The following FKBP8 variants were observed in gnomAD, a reference collection of about 807,000 sequenced individuals.
FKBP8 encodes FKBP prolyl isomerase 8.
In FKBP8, 5 loss-of-function variants were observed where a neutral mutation model predicts 41.7. The observed-to-expected ratio is 0.12, with a 90% CI of 0.06 to 0.25. FKBP8 has a LOEUF of 0.25. Among genes scored for constraint, FKBP8 ranks in the 10% least tolerant of loss-of-function variants. FKBP8 has a pLI of 1.00. For missense variants in FKBP8, 397 were observed against 563.0 expected, an observed-to-expected ratio of 0.71 and a Z score of 2.98; for synonymous variants, 279 against 254.5, an observed-to-expected ratio of 1.10 and a Z score of -0.92.
intron 7 of FKBP8, 196 bp downstream of exon 7, chr19:18,533,074 G>A: frequency 1.5e-6 from 1 of 677,540 alleles, no homozygotes; most frequent in South Asian, 2.0e-5. Context: ...CTCAGCTGCT[G>A]GAGGAGTGAG....
chr19:18,538,212 T>C lies in FKBP8; in HGVS notation c.772+4A>G. 6.3e-7 allele frequency: 1 copy of C among 1,598,334 alleles called. No individual in the cohort carries two copies. The highest frequency in any genetic ancestry group is 8.6e-7 in the Non-Finnish European group (1 of 1,168,578). ...GATGGTGGAGATCTGACCCAGGCGG[T>C]CACCTTTGGCGCTGGAGGTGATAGC... On this transcript the variant is annotated splice_donor_region_variant and intron_variant, in intron 5 of 8. Transcript: ENST00000608443. This position sits in a 1 kb window ranked among gnomAD's most constrained non-coding sequence, Gnocchi z 4.0.
intron 6 of FKBP8, among the ~76,000 whole-genome samples, chr19:18,535,447 T>C (rs1271887346): frequency 6.6e-6 from 1 of 151,986 alleles, no homozygotes; most frequent in Non-Finnish European, 1.5e-5. Flanking sequence ...GCCTGCACTA[T>C]GCTGGTGCTG....
intron 1 of FKBP8, 143 bp from the exon 2 acceptor site, chr19:18,542,138 TAAC>T (rs1456788224): frequency 1.6e-6 from 2 of 1,242,372 alleles, no homozygotes; most frequent in Non-Finnish European, 2.1e-6. Context: ...ACAGTGGGTG[TAAC>T]AACAACCCCA....
chr19:18,533,877 G>A (rs578011393), intron 6 of FKBP8, among the ~76,000 whole-genome samples: 17 of 151,306 alleles, frequency 1.1e-4, no homozygotes, highest in Admixed American at 7.9e-4. Flanking sequence ...GCGAGGTGGC[G>A]GGCGCCTGAT....
rs1174850375 is a variant in FKBP8, at chr19:18,539,623, C to T, written c.390G>A (p.Ser130=). 3 of 1,613,066 alleles carry T rather than the reference C, an allele frequency of 1.9e-6. No individual in the cohort carries two copies. Among genetic ancestry groups the T allele is most frequent in the Admixed American group, 1.7e-5 (1 of 60,024 alleles). Residue 130 remains serine, a synonymous_variant, in exon 3 of 9, where the codon TCG becomes TCA. Transcript: ENST00000608443. ...GQVVTVHLQT[S]LENGTRVQEE... ...CCTGCACCCGTGTGCCATTCTCCAG[C>T]GACGTCTGCAGATGTACGGTGACCA...
chr19:18,541,165 C>T (rs1249444864), intron 2 of FKBP8, among the ~76,000 whole-genome samples: 1 of 152,092 alleles, frequency 6.6e-6, no homozygotes, highest in Non-Finnish European at 1.5e-5. Context: ...ATGTAGTTTT[C>T]TTCTTGTAGG....
At chr19:18,532,817 G>A (rs778495395) in intron 7 of FKBP8, 22 bp from the exon 8 acceptor site, 4 of 1,612,094 alleles carry the variant, frequency 2.5e-6, no homozygotes, top group South Asian at 1.1e-5. Context: ...AGGGGAAGCT[G>A]AGAACACGCA....
chr19:18,542,979 C>T (rs1231020914), intron 1 of FKBP8: 22 of 1,056,356 alleles, frequency 2.1e-5, no homozygotes, highest in Admixed American at 2.7e-5. Context: ...ATTCGGCCTC[C>T]CCTCCCACCC....
intron 1 of FKBP8, among the ~76,000 whole-genome samples, chr19:18,542,690 C>G (rs1976732859): frequency 6.6e-6 from 1 of 151,992 alleles, no homozygotes; most frequent in Non-Finnish European, 1.5e-5. Flanking sequence ...CCATCCTCCT[C>G]TCATCAGGCC....
intron 7 of FKBP8, 89 bp from the exon 8 acceptor site, chr19:18,532,884 T>G: frequency 6.4e-7 from 1 of 1,551,908 alleles, no homozygotes. Flanking sequence ...GCTGTTTGGG[T>G]GGTGGGACTG....
At chr19:18,534,702 C>T (rs1976530587) in intron 6 of FKBP8, among the ~76,000 whole-genome samples, 2 of 152,138 alleles carry the variant, frequency 1.3e-5, no homozygotes, top group Non-Finnish European at 2.9e-5. Flanking sequence ...CAGCCTCAGC[C>T]TCCCGAGGAG....
intron 2 of FKBP8, among the ~76,000 whole-genome samples, chr19:18,540,586 T>C (rs1028457517): frequency 6.6e-6 from 1 of 151,178 alleles, no homozygotes; most frequent in Non-Finnish European, 1.5e-5. Flanking sequence ...ATACAAAAAT[T>C]AGGGGCCAGG....
chr19:18,542,896 T>C, intron 1 of FKBP8: 1 of 1,270,416 alleles, frequency 7.9e-7, no homozygotes, highest in South Asian at 1.2e-5. Flanking sequence ...ACCTGCCTGC[T>C]CCTCCCGGGC....
At chr19:18,541,202 C>T (rs951275444) in intron 2 of FKBP8, among the ~76,000 whole-genome samples, 34 of 152,154 alleles carry the variant, frequency 2.2e-4, no homozygotes, top group Admixed American at 1.3e-4. Flanking sequence ...ACAATACTAT[C>T]ACTACTGTGA....
intron 1 of FKBP8, among the ~76,000 whole-genome samples, chr19:18,542,680 C>T (rs1185900074): frequency 3.3e-5 from 5 of 151,956 alleles, no homozygotes. Flanking sequence ...CCCCAGGAGA[C>T]CATCCTCCTC....
intron 8 of FKBP8, 120 bp downstream of exon 8, chr19:18,532,544 C>T: frequency 7.0e-7 from 1 of 1,430,770 alleles, no homozygotes; most frequent in Non-Finnish European, 9.5e-7. Context: ...GGGCTCTCTC[C>T]ACGTCCCCTG....
Position 18,538,146 on chromosome 19 carries a change from G to T in FKBP8, c.772+70C>A. 6.8e-7 allele frequency: 1 copy of T among 1,466,056 alleles called. No individual in the cohort carries two copies. Among genetic ancestry groups the T allele is most frequent in the Non-Finnish European group, 9.3e-7 (1 of 1,072,812 alleles). The allele number at this position is 1,466,056 out of a possible 1,614,324, so 90.8% of individuals were successfully genotyped here. Reference sequence around the variant, plus strand: ...TATTCTGAGTCTGAGGCTCTCTGGGGCTGGAAGTTTCTGGCACGGAGTGGA... The same window carrying T: ...TATTCTGAGTCTGAGGCTCTCTGGGTCTGGAAGTTTCTGGCACGGAGTGGA... On this transcript the variant is annotated intron_variant, in intron 5 of 8. Coordinates refer to ENST00000608443, the MANE Select transcript of FKBP8 (RefSeq NM_012181.5). The surrounding 1 kb of genome is among the most constrained non-coding windows in gnomAD (Gnocchi z 4.0).
At chr19:18,536,886 G>C (rs559546479) in intron 6 of FKBP8, among the ~76,000 whole-genome samples, 160 of 152,350 alleles carry the variant, frequency 1.1e-3, no homozygotes, top group African/African-American at 3.6e-3. Flanking sequence ...CAGAAAGGGA[G>C]AATGCCACGT....
At position 18,538,419 on chromosome 19, in the gene FKBP8, G is replaced by C; in HGVS notation, c.569C>G (p.Pro190Arg). The change falls in exon 5 of 9, where the codon CCC becomes CGC. Residue 190 changes from proline to arginine, a missense_variant. Pro to Arg is a moderately radical substitution (Grantham distance 103). Around this residue, in one of 2 missense-constraint regions of FKBP8, gnomAD observed 225 missense variants for 366.8 expected, o/e 0.61. Coordinates refer to ENST00000608443, the MANE Select transcript of FKBP8 (RefSeq NM_012181.5). The surrounding 1 kb of genome is among the most constrained non-coding windows in gnomAD (Gnocchi z 4.0). The part of the protein sequence containing the change: ...GPQGSRSPYI[P>R]PHAALCLEVT... ...CTCCAGGCACAGGGCCGCGTGCGGG[G>C]GGATGTATGGGCTCCTGCTAGTTGG... The C allele has an allele frequency of 6.2e-7, 1 of 1,612,188 alleles. No individual in the cohort carries two copies. Among genetic ancestry groups the C allele is most frequent in the Non-Finnish European group, 8.5e-7 (1 of 1,179,858 alleles).
Sources: gnomAD v4.1 joint callset for allele counts (sites outside exome capture counted in the v4.1 genomes callset) on GRCh38, gnomAD v4.1.1 for gene constraint, gnomAD v4.1.1 regional missense constraint, Gnocchi (gnomAD v3.1) non-coding constraint, MANE v1.5 for transcripts, NCBI Gene and HGNC (gene_info 2026-07-23, HGNC 2026-07-21) for gene names.